LCOR: variants seen among roughly 807,000 people sequenced by gnomAD.
LCOR encodes ligand dependent nuclear receptor corepressor.
A neutral mutation model predicts 64.4 loss-of-function variants in LCOR; 14 were observed. The observed-to-expected ratio is 0.22, with a 90% confidence interval of 0.14 to 0.34. LCOR has a LOEUF of 0.34. Ranked by LOEUF, LCOR falls within the 10% of genes least tolerant of loss-of-function variation. LCOR has a pLI of 1.00. For missense variants in LCOR, 1,686 were observed against 1,765.3 expected (o/e 0.96, Z 0.80); for synonymous variants, 643 against 642.5 (o/e 1.00, Z -0.01).
Position 96,982,062 on chromosome 10 carries a change from G to A in LCOR, c.1602G>A (p.Leu534=), listed in dbSNP as rs747778690. 6.2e-7 allele frequency: 1 copy of A among 1,614,094 alleles called. No individual in the cohort carries two copies. The highest frequency in any genetic ancestry group is 1.1e-5 in the South Asian group (1 of 91,070). The change falls in exon 8 of 8, where the codon TTG becomes TTA. Residue 534 remains leucine (L), a synonymous_variant. Coordinates refer to ENST00000421806, the MANE Select transcript of LCOR (RefSeq NM_001346516.2). ...HSQEKASCSA[L]ASEAVFTPKQ... is the part of the protein sequence containing the mutation. ...AGGAAAAAGCAAGCTGCTCAGCATT[G>A]GCATCAGAGGCAGTTTTCACTCCTA...
intron 2 of LCOR, among the ~76,000 whole-genome samples, chr10:96,892,414 AT>A (rs1846460776): frequency 6.6e-6 from 1 of 152,102 alleles, no homozygotes; most frequent in Non-Finnish European, 1.5e-5. Flanking sequence ...TATAAAAAAA[AT>A]TATTTCTCAC....
At position 96,849,417 on chromosome 10, in the gene LCOR, C is replaced by A. The variant is rs188102619; in HGVS notation, c.-330+15938C>A. ...AGAGACAGGGTTTTTGCCATGTCACCCAGGCTGGTCTTGAACTCCTGACCT... is the reference window on the plus strand; with the variant it reads ...AGAGACAGGGTTTTTGCCATGTCACACAGGCTGGTCTTGAACTCCTGACCT... On this transcript the variant is annotated intron_variant, in intron 2 of 7. Transcript: ENST00000421806. Among the ~76,000 whole-genome samples, 160 of 152,172 alleles carry A rather than the reference C, an allele frequency of 1.1e-3. 1 individual carries two copies. The highest frequency in any genetic ancestry group is 3.7e-3 in the African/African-American group (154 of 41,522).
rs144463258 is a variant in LCOR, at chr10:96,912,615, C to T, written c.-184+4868C>T. ...ATCTTCCTTTCTTCCTTTCTTCCTTCCTTCCTTCCTTCCTTCCTTCCTTCC... is the reference window on the plus strand; with the variant it reads ...ATCTTCCTTTCTTCCTTTCTTCCTTTCTTCCTTCCTTCCTTCCTTCCTTCC... On this transcript the variant is annotated intron_variant, in intron 4 of 7. Coordinates refer to ENST00000421806, the MANE Select transcript of LCOR (RefSeq NM_001346516.2). Among the ~76,000 whole-genome samples, 8 of 136,804 alleles carry T rather than the reference C, an allele frequency of 5.8e-5. No homozygotes were observed. In the South Asian group the frequency reaches 6.5e-4, roughly 11 times the overall value. 89.7% of individuals were successfully genotyped at this position (136,804 alleles called of 152,430 possible).
rs1847620345 is a variant in LCOR at position 96,948,207 on chromosome 10, T to TAAATA, written c.-50-801_-50-800insAAATA. Among the ~76,000 whole-genome samples the TAAATA allele has an allele frequency of 2.0e-5, 3 of 152,244 alleles. No homozygotes were observed. In the South Asian group the frequency reaches 6.2e-4, roughly 31 times the overall value. On this transcript the variant is annotated intron_variant, in intron 5 of 7. Transcript: ENST00000421806. ...ATTGACTAGAAATTGATAATTTAGA[T>TAAATA]GTTTATTTCATTATTTTATTTTTTT...
chr10:96,920,614 G>T (rs12777749), intron 4 of LCOR, among the ~76,000 whole-genome samples: 1 of 141,374 alleles, frequency 7.1e-6, no homozygotes, highest in African/African-American at 2.7e-5. Context: ...ATTCATATAT[G>T]TGTATATATG....
chr10:96,871,374 A>G (rs1318961434), intron 2 of LCOR, among the ~76,000 whole-genome samples: 2 of 150,900 alleles, frequency 1.3e-5, no homozygotes, highest in African/African-American at 4.9e-5. Context: ...TTTTTTTCCT[A>G]AAGAATCAGA....
chr10:96,964,034 A>T (rs1847921170), intron 7 of LCOR: 1 of 152,090 alleles, frequency 6.6e-6, no homozygotes, highest in African/African-American at 2.4e-5. Flanking sequence ...TTATTTACAG[A>T]TTTTTTTGTA....
At chr10:96,915,750 C>A in intron 4 of LCOR, 3 of 639,290 alleles carry the variant, frequency 4.7e-6, no homozygotes, top group South Asian at 2.7e-5. Flanking sequence ...CCTTTGGGTA[C>A]CTTCTCTCCC....
intron 7 of LCOR, among the ~76,000 whole-genome samples, chr10:96,971,503 A>C (rs564017944): frequency 6.6e-6 from 1 of 152,190 alleles, no homozygotes; most frequent in East Asian, 1.9e-4. Flanking sequence ...GGTTAGGTCA[A>C]TAGTTACAAA....
chr10:96,892,150 A>G (rs894430380), intron 2 of LCOR, among the ~76,000 whole-genome samples: 3 of 151,742 alleles, frequency 2.0e-5, no homozygotes, highest in African/African-American at 7.3e-5. Flanking sequence ...TTCCTTATGT[A>G]TCTTTTGCTT....
At chr10:96,935,824 G>T (rs1010735067) in intron 4 of LCOR, among the ~76,000 whole-genome samples, 1 of 152,212 alleles carries the variant, frequency 6.6e-6, no homozygotes, top group Non-Finnish European at 1.5e-5. Flanking sequence ...AACAGAGCAA[G>T]ATCCTGTCTT....
intron 4 of LCOR, among the ~76,000 whole-genome samples, chr10:96,927,231 C>T (rs1028791358): frequency 6.6e-6 from 1 of 152,068 alleles, no homozygotes; most frequent in Non-Finnish European, 1.5e-5. Context: ...AGTGGTATCT[C>T]ATTTTGGTTT....
At position 96,993,672 on chromosome 10, in the gene LCOR, T is replaced by C. The variant is rs567823208; in HGVS notation, c.*8538T>C. On this transcript the variant is annotated 3_prime_UTR_variant, in exon 8 of 8. Transcript: ENST00000421806. ...CAAAAACCAGCAGGTTGAGAGCTGT[T>C]TGGGGCCTTTGATCTGTAATGTTAC... The C allele has an allele frequency of 3.8e-4, 58 of 151,606 alleles. No individual in the cohort carries two copies. The highest frequency in any genetic ancestry group is 1.4e-3 in the African/African-American group (56 of 41,416). 9.4% of individuals were successfully genotyped at this position (151,606 alleles called of 1,614,324 possible).
At chr10:96,874,700 C>T (rs376842087) in intron 2 of LCOR, among the ~76,000 whole-genome samples, 1 of 151,214 alleles carries the variant, frequency 6.6e-6, no homozygotes. Flanking sequence ...TGCAATGGTG[C>T]GATCTTGGCT....
At chr10:96,965,302 C>T (rs943903264) in intron 7 of LCOR, among the ~76,000 whole-genome samples, 3 of 151,456 alleles carry the variant, frequency 2.0e-5, no homozygotes, top group Non-Finnish European at 4.4e-5. Context: ...AGCCACTGCG[C>T]CAGACTGCTA....
chr10:96,985,322 C>G lies in LCOR; in HGVS notation c.*188C>G, dbSNP rs1353744491. The G allele has an allele frequency of 1.6e-6, 1 of 629,924 alleles. No individual in the cohort carries two copies. The highest frequency in any genetic ancestry group is 1.9e-5 in the African/African-American group (1 of 52,852). 39.0% of individuals were successfully genotyped at this position (629,924 alleles called of 1,614,324 possible). A position where few individuals can be genotyped will look rare whatever the true frequency, so the allele number is the denominator to read the frequency against. On this transcript the variant is annotated 3_prime_UTR_variant, in exon 8 of 8. Coordinates refer to ENST00000421806, the MANE Select transcript of LCOR (RefSeq NM_001346516.2). ...GAACTTGCAGAGTCCTTCTCTGAGG[C>G]TAAGGGAAGTTATATATTATATTCT... is the stretch of plus-strand genomic sequence containing the variant.
intron 2 of LCOR, among the ~76,000 whole-genome samples, chr10:96,867,419 AG>A (rs1452717938): frequency 6.6e-6 from 1 of 152,146 alleles, no homozygotes; most frequent in African/African-American, 2.4e-5. Context: ...CAACATATGG[AG>A]ATCTTGCCTC....
intron 5 of LCOR, among the ~76,000 whole-genome samples, chr10:96,947,200 C>T (rs923503293): frequency 2.6e-5 from 4 of 151,880 alleles, no homozygotes; most frequent in African/African-American, 4.8e-5. Flanking sequence ...TTTAAACCAC[C>T]GGGAATACTT....
At chr10:96,837,711 G>A (rs1288852789) in intron 2 of LCOR, among the ~76,000 whole-genome samples, 1 of 152,206 alleles carries the variant, frequency 6.6e-6, no homozygotes, top group Non-Finnish European at 1.5e-5. Flanking sequence ...ATCCTTGGAA[G>A]TTGGAGTTGG....
Sources: allele counts gnomAD v4.1 joint callset (sites outside exome capture counted in the v4.1 genomes callset), GRCh38; gene constraint gnomAD v4.1.1; transcripts MANE v1.5; gene names NCBI Gene and HGNC (gene_info 2026-07-23, HGNC 2026-07-21).